Variants in PLCH1 observed in about 807,000 individuals in gnomAD.
The protein encoded by PLCH1 is phospholipase C eta 1.
In PLCH1, 60 loss-of-function variants were observed where a neutral mutation model predicts 126.7. The observed-to-expected ratio is 0.47, with a 90% CI of 0.38 to 0.59. PLCH1 has a LOEUF of 0.59. Among genes scored for constraint, PLCH1 ranks in the 20% least tolerant of loss-of-function variants. The pLI is 0.00. For synonymous variants in PLCH1, 719 were observed against 734.9 expected, an observed-to-expected ratio of 0.98 and a Z score of 0.35; for missense variants, 1,723 against 2,040.0, an observed-to-expected ratio of 0.84 and a Z score of 2.99.
rs141444115 is a variant in PLCH1, at chr3:155,596,832, G to A, written c.80-454C>T. On this transcript the variant is annotated intron_variant, in intron 2 of 22. Coordinates refer to ENST00000460012, the MANE Select transcript of PLCH1 (RefSeq NM_014996.4). ...CTGACTGTTGTTAAAATGGGATAAT[G>A]ATTACATATGAATTCATGTTACATA... Among the ~76,000 whole-genome samples, 642 of 152,278 alleles carry A rather than the reference G, an allele frequency of 4.2e-3. 1 individual carries two copies. Among genetic ancestry groups the A allele is most frequent in the Admixed American group, 7.1e-3 (108 of 15,296 alleles).
chr3:155,455,339 G>C (rs538750511), intron 21 of PLCH1, among the ~76,000 whole-genome samples: 4 of 152,282 alleles, frequency 2.6e-5, no homozygotes, highest in African/African-American at 7.2e-5. Flanking sequence ...TTGTCCCCAA[G>C]ATGGTCCCTA....
chr3:155,623,050 C>A (rs1180666800), intron 2 of PLCH1, among the ~76,000 whole-genome samples: 1 of 152,062 alleles, frequency 6.6e-6, no homozygotes, highest in Non-Finnish European at 1.5e-5. Context: ...GAACAGAAAT[C>A]AAAACAAACA....
chr3:155,505,756 T>C (rs1167644802), intron 12 of PLCH1, among the ~76,000 whole-genome samples: 2 of 152,194 alleles, frequency 1.3e-5, no homozygotes, highest in African/African-American at 4.8e-5. Flanking sequence ...ATGCGGATCA[T>C]TAACTGTTCA....
chr3:155,692,785 C>G (rs957270067), intron 2 of PLCH1, among the ~76,000 whole-genome samples: 2 of 150,738 alleles, frequency 1.3e-5, no homozygotes, highest in African/African-American at 4.9e-5. Context: ...TGAGATGAGT[C>G]TCGCTCTGTC....
intron 12 of PLCH1, among the ~76,000 whole-genome samples, chr3:155,512,168 C>T (rs1361920585): frequency 6.6e-6 from 1 of 152,004 alleles, no homozygotes; most frequent in Non-Finnish European, 1.5e-5. Flanking sequence ...TCCCTGACCC[C>T]TTGCGCTTCC....
downstream of PLCH1, among the ~76,000 whole-genome samples, chr3:155,475,942 G>A (rs1188155435): frequency 1.3e-5 from 2 of 151,780 alleles, no homozygotes; most frequent in Admixed American, 6.6e-5. Context: ...GAGGAAGAAG[G>A]AACACTTCCA....
intron 1 of PLCH1, among the ~76,000 whole-genome samples, chr3:155,732,561 G>A (rs1292294459): frequency 1.3e-5 from 2 of 151,738 alleles, no homozygotes; most frequent in East Asian, 1.9e-4. Context: ...CAGTAAAGTT[G>A]CAGGATACAA....
rs368015538 is a variant in PLCH1, at chr3:155,566,616, A to T, written c.866-1498T>A. Among the ~76,000 whole-genome samples, 10 of 147,078 alleles carry T rather than the reference A, an allele frequency of 6.8e-5. No individual in the cohort carries two copies. In the South Asian group the frequency reaches 1.1e-3, roughly 16 times the overall value. On this transcript the variant is annotated intron_variant, in intron 7 of 22. Coordinates refer to ENST00000460012, the MANE Select transcript of PLCH1 (RefSeq NM_014996.4). ...TAAGCCAAAAGTTAAACACTGTCTA[A>T]ATTCAGGGTGTGATTGACAACCAAA...
intron 8 of PLCH1, among the ~76,000 whole-genome samples, chr3:155,557,743 T>C (rs371832621): frequency 6.6e-6 from 1 of 152,138 alleles, no homozygotes; most frequent in South Asian, 2.1e-4. Flanking sequence ...GGTTACACAC[T>C]ATGGAACCCC....
At chr3:155,721,166 TTC>T (rs1473563128) in intron 1 of PLCH1, among the ~76,000 whole-genome samples, 1 of 152,262 alleles carries the variant, frequency 6.6e-6, no homozygotes. Context: ...TCCAGATTTG[TTC>T]TTTTTGCTAA....
At chr3:155,607,749 T>C (rs951691222) in intron 2 of PLCH1, among the ~76,000 whole-genome samples, 1 of 152,162 alleles carries the variant, frequency 6.6e-6, no homozygotes, top group African/African-American at 2.4e-5. Context: ...TTAAAGATTA[T>C]TAATAAAAAT....
chr3:155,647,833 G>A (rs1740243339), intron 2 of PLCH1, among the ~76,000 whole-genome samples: 1 of 152,104 alleles, frequency 6.6e-6, no homozygotes, highest in African/African-American at 2.4e-5. Context: ...GAATATTCAT[G>A]CAGCACTCCC....
At chr3:155,520,542 T>C (rs1337995028) in intron 11 of PLCH1, among the ~76,000 whole-genome samples, 1 of 152,136 alleles carries the variant, frequency 6.6e-6, no homozygotes, top group Non-Finnish European at 1.5e-5. Flanking sequence ...GAGCACAAGA[T>C]AAAAGACACT....
chr3:155,680,008 A>G (rs573095744), intron 2 of PLCH1, among the ~76,000 whole-genome samples: 5 of 152,260 alleles, frequency 3.3e-5, no homozygotes, highest in Non-Finnish European at 7.4e-5. Context: ...TTTCCCAGCT[A>G]GAAAATATTC....
At chr3:155,604,812 C>T (rs566021095) in intron 2 of PLCH1, among the ~76,000 whole-genome samples, 60 of 152,246 alleles carry the variant, frequency 3.9e-4, no homozygotes, top group East Asian at 2.9e-3. Flanking sequence ...TCCTGCTAGC[C>T]GGGCTTCTGG....
chr3:155,721,684 T>C (rs573421708), intron 1 of PLCH1, among the ~76,000 whole-genome samples: 6 of 152,334 alleles, frequency 3.9e-5, no homozygotes, highest in Non-Finnish European at 5.9e-5. Flanking sequence ...TTTACCAACA[T>C]GGATACCCTT....
chr3:155,552,605 G>A (rs1726294654), intron 9 of PLCH1, among the ~76,000 whole-genome samples: 1 of 152,134 alleles, frequency 6.6e-6, no homozygotes, highest in Admixed American at 6.5e-5. Flanking sequence ...GCTCAATAGG[G>A]AAGCTGAAAG....
intron 10 of PLCH1, among the ~76,000 whole-genome samples, chr3:155,533,977 T>G (rs1723018448): frequency 6.6e-6 from 1 of 152,216 alleles, no homozygotes; most frequent in South Asian, 2.1e-4. Flanking sequence ...AACACCTGGA[T>G]GCCTAGGCAG....
At chr3:155,659,299 CTTCTTTTTTTTTT>C (rs1741817340) in intron 2 of PLCH1, among the ~76,000 whole-genome samples, 7 of 55,444 alleles carry the variant, frequency 1.3e-4, no homozygotes, top group Admixed American at 2.3e-4. Context: ...TGTCTATTCA[CTTCTTTTTTTTTT>C]TTTTTTTTTT....
Sources: allele counts gnomAD v4.1 joint callset (sites outside exome capture counted in the v4.1 genomes callset), GRCh38; gene constraint gnomAD v4.1.1; transcripts MANE v1.5; gene names NCBI Gene and HGNC (gene_info 2026-07-23, HGNC 2026-07-21).